The following MAPT variants were observed in gnomAD, a reference collection of about 807,000 sequenced individuals.
MAPT encodes the protein microtubule-associated protein tau.
A neutral mutation model predicts 67.9 loss-of-function variants in MAPT; 34 were observed. That is an observed-to-expected ratio of 0.50 (90% CI 0.38 to 0.67). The LOEUF (loss-of-function observed/expected upper bound fraction) is 0.67, where lower values mean the gene tolerates loss of function less well. Ranked by LOEUF, MAPT falls within the 30% of genes least tolerant of loss-of-function variation. The pLI, the probability that MAPT is intolerant of heterozygous loss-of-function variation, is 0.00. For missense variants in MAPT, 881 were observed against 1,115.2 expected (o/e 0.79, Z 2.99); for synonymous variants, 456 against 464.5 (o/e 0.98, Z 0.23).
Position 45,971,564 on chromosome 17 carries a change from C to T in MAPT, c.134-295C>T, listed in dbSNP as rs924284469. Among the ~76,000 whole-genome samples, 2 of 147,926 alleles carry T rather than the reference C, an allele frequency of 1.4e-5. No homozygotes were observed. The highest frequency in any genetic ancestry group is 4.8e-5 in the African/African-American group (2 of 41,420). ...GCCCGTTGACCAATGGAAGATAAACCTTTGCCTCAGGTGGCACCACTAGCT... is the reference window on the plus strand; with the variant it reads ...GCCCGTTGACCAATGGAAGATAAACTTTTGCCTCAGGTGGCACCACTAGCT... On this transcript the variant is annotated intron_variant, in intron 2 of 12. Transcript: ENST00000262410. The surrounding 1 kb of genome is among the most constrained non-coding windows in gnomAD (Gnocchi z 4.3).
In MAPT at chr17:46,024,513, A is replaced by G; in HGVS notation, c.*342A>G. The G allele has an allele frequency of 2.5e-6, 1 of 398,702 alleles. No individual in the cohort carries two copies. The highest frequency in any genetic ancestry group is 5.6e-5 in the East Asian group (1 of 17,988). The allele number at this position is 398,702 out of a possible 1,614,324, so 24.7% of individuals were successfully genotyped here. On this transcript the variant is annotated 3_prime_UTR_variant, in exon 13 of 13. Coordinates refer to ENST00000262410, the MANE Select transcript of MAPT (RefSeq NM_001377265.1). ...CTCCATGTAGAAGAGGGAGAAGGAG[A>G]GGCTCTGAAAGCTGCTTCTGGGGGA...
intron 1 of MAPT, among the ~76,000 whole-genome samples, chr17:45,936,082 G>A (rs938743155): frequency 6.6e-5 from 10 of 152,180 alleles, no homozygotes; most frequent in Non-Finnish European, 7.3e-5. Context: ...GTGGTAGATC[G>A]GCAGAGTTCC....
chr17:45,979,977 G>T (rs1271505966), intron 4 of MAPT: 1 of 152,206 alleles, frequency 6.6e-6, no homozygotes, highest in Non-Finnish European at 1.5e-5. Context: ...TTTCAGGTTG[G>T]AGCTGCAGTC....
chr17:46,005,715 G>A (rs17573607), intron 9 of MAPT, among the ~76,000 whole-genome samples: 22,084 of 152,318 alleles, frequency 0.14, 2,139 homozygotes, highest in Non-Finnish European at 0.22. Flanking sequence ...GAGAAGCAGT[G>A]TGAGAAAGCC....
At chr17:45,970,066 ATCCAT>A in intron 2 of MAPT, among the ~76,000 whole-genome samples, 1 of 148,412 alleles carries the variant, frequency 6.7e-6, no homozygotes, top group East Asian at 2.0e-4. Context: ...CCATCCATCC[ATCCAT>A]TCATCTATCC....
chr17:46,020,717 C>T (rs540345717), intron 12 of MAPT, among the ~76,000 whole-genome samples: 2 of 152,162 alleles, frequency 1.3e-5, no homozygotes, highest in South Asian at 2.1e-4. Context: ...CATCAGATCT[C>T]GGGAGACTTA....
intron 1 of MAPT, among the ~76,000 whole-genome samples, chr17:45,942,957 G>A (rs1220361486): frequency 1.3e-5 from 2 of 152,230 alleles, no homozygotes; most frequent in Non-Finnish European, 2.9e-5. Context: ...GCACTGCGCT[G>A]TGCTTATCTC....
At chr17:45,994,133 GTGCAGTT>G (rs1026726679) in intron 8 of MAPT, among the ~76,000 whole-genome samples, 61 of 152,318 alleles carry the variant, frequency 4.0e-4, no homozygotes, top group Middle Eastern at 3.4e-3. Context: ...TCTCTTCCCT[GTGCAGTT>G]TGCGCAGCTG....
Position 45,983,257 on chromosome 17 carries a change from C to A in MAPT, c.678C>A (p.Ser226=). Residue 226 remains serine, a synonymous_variant, in exon 5 of 13, where the codon TCC becomes TCA. Transcript: ENST00000262410. ...GPPGLSHQLM[S]GMPGAPLLPE... ...CAGGTCTGAGCCACCAGCTCATGTCCGGCATGCCTGGGGCTCCCCTCCTGC... is the reference window on the plus strand; with the variant it reads ...CAGGTCTGAGCCACCAGCTCATGTCAGGCATGCCTGGGGCTCCCCTCCTGC... 5 of 1,600,496 alleles carry A rather than the reference C, an allele frequency of 3.1e-6. No individual in the cohort carries two copies. The highest frequency in any genetic ancestry group is 2.3e-5 in the East Asian group (1 of 44,438).
intron 1 of MAPT, among the ~76,000 whole-genome samples, chr17:45,951,813 C>G (rs1180094056): frequency 1.3e-5 from 2 of 152,086 alleles, no homozygotes; most frequent in East Asian, 3.9e-4. Flanking sequence ...AACTTTAGTG[C>G]CTCCCCTAAA....
chr17:45,944,490 G>A (rs981318222), intron 1 of MAPT, among the ~76,000 whole-genome samples: 7 of 152,174 alleles, frequency 4.6e-5, no homozygotes, highest in African/African-American at 7.2e-5. Context: ...GGATAGATGC[G>A]CAAGTGGCAT....
At chr17:45,943,014 T>G (rs942880517) in intron 1 of MAPT, among the ~76,000 whole-genome samples, 3 of 152,240 alleles carry the variant, frequency 2.0e-5, no homozygotes, top group African/African-American at 7.2e-5. Flanking sequence ...ACTTTGTCTC[T>G]GTCAGACAGA....
At chr17:46,005,365 G>T (rs1233643217) in intron 9 of MAPT, among the ~76,000 whole-genome samples, 2 of 152,082 alleles carry the variant, frequency 1.3e-5, no homozygotes, top group Non-Finnish European at 2.9e-5. Flanking sequence ...ACATTTTCCT[G>T]CTTTATTATT....
intron 1 of MAPT, among the ~76,000 whole-genome samples, chr17:45,919,536 C>T (rs183589870): frequency 6.6e-6 from 1 of 152,240 alleles, no homozygotes; most frequent in South Asian, 2.1e-4. Flanking sequence ...GTCTCCTTTA[C>T]ATGTTTCTAC....
chr17:45,895,048 CGTGTGTGTGT>C (rs10593245), intron 1 of MAPT: 86 of 133,562 alleles, frequency 6.4e-4, no homozygotes, highest in African/African-American at 2.0e-3. Context: ...CCGCAATGGG[CGTGTGTGTGT>C]GTGTGTGTGT....
chr17:46,005,611 A>G (rs2075358327), intron 9 of MAPT, among the ~76,000 whole-genome samples: 1 of 152,322 alleles, frequency 6.6e-6, no homozygotes, highest in East Asian at 1.9e-4. Context: ...TTAAAAAATA[A>G]TCCGCAAAGA....
chr17:45,904,300 AAT>A lies in MAPT; in HGVS notation c.-18+9622_-18+9623del, dbSNP rs962851426. Among the ~76,000 whole-genome samples the A allele has an allele frequency of 2.5e-4, 11 of 43,496 alleles. 1 individual carries two copies. The highest frequency in any genetic ancestry group is 4.6e-4 in the African/African-American group (7 of 15,194). 28.5% of individuals were successfully genotyped at this position (43,496 alleles called of 152,430 possible). ...TATATATATAATATGTATAATATAT[AAT>A]ATATATAAAAACATATATAATATAT... On this transcript the variant is annotated intron_variant, in intron 1 of 12. Coordinates refer to ENST00000262410, the MANE Select transcript of MAPT (RefSeq NM_001377265.1).
intron 1 of MAPT, among the ~76,000 whole-genome samples, chr17:45,941,729 T>TG (rs2068001290): frequency 7.9e-6 from 1 of 126,678 alleles, no homozygotes; most frequent in Non-Finnish European, 1.8e-5. Context: ...CTTCCTTCCT[T>TG]CCTTCCTTCC....
At chr17:45,982,703 A>G (rs1208998061) in intron 4 of MAPT, among the ~76,000 whole-genome samples, 163 bp from the exon 5 acceptor site, 1 of 152,128 alleles carries the variant, frequency 6.6e-6, no homozygotes, top group Non-Finnish European at 1.5e-5. Context: ...TGTCATTCCA[A>G]GCAAGCAAAG....
Sources: allele counts gnomAD v4.1 joint callset (sites outside exome capture counted in the v4.1 genomes callset), GRCh38; gene constraint gnomAD v4.1.1; non-coding constraint Gnocchi (gnomAD v3.1); transcripts MANE v1.5; gene names NCBI Gene and HGNC (gene_info 2026-07-23, HGNC 2026-07-21).